The following DMRT1 variants were observed in gnomAD, a reference collection of about 807,000 sequenced individuals.
DMRT1 encodes doublesex and mab-3 related transcription factor 1.
DMRT1 carries 7 observed loss-of-function variants against 32.3 expected under a neutral mutation model. That is an observed-to-expected ratio of 0.22 (90% CI 0.12 to 0.41). The LOEUF (loss-of-function observed/expected upper bound fraction) is 0.41. Among genes scored for constraint, DMRT1 ranks in the 10% least tolerant of loss-of-function variants. The pLI is 1.00. For missense variants in DMRT1, 625 were observed against 500.5 expected (o/e 1.25, Z -2.37); for synonymous variants, 278 against 206.1 (o/e 1.35, Z -2.99).
intron 2 of DMRT1, among the ~76,000 whole-genome samples, chr9:869,045 C>A (rs149440645): frequency 6.6e-6 from 1 of 152,026 alleles, no homozygotes; most frequent in Non-Finnish European, 1.5e-5. Flanking sequence ...AAGTTAGCAT[C>A]CTTTATATTA....
At chr9:927,473 C>T (rs74773962) in intron 4 of DMRT1, among the ~76,000 whole-genome samples, 24 of 152,124 alleles carry the variant, frequency 1.6e-4, no homozygotes, top group Non-Finnish European at 2.5e-4. Flanking sequence ...TATCATTGCC[C>T]GGCGCGGTGG....
chr9:849,866 C>T (rs953748803), intron 2 of DMRT1, among the ~76,000 whole-genome samples: 2 of 152,074 alleles, frequency 1.3e-5, no homozygotes, highest in African/African-American at 4.8e-5. Flanking sequence ...TCTTGTTGCC[C>T]AGGGTGGAGG....
chr9:959,694 A>G (rs1027100046), intron 4 of DMRT1, among the ~76,000 whole-genome samples: 1 of 147,216 alleles, frequency 6.8e-6, no homozygotes, highest in Non-Finnish European at 1.5e-5. Flanking sequence ...TGCCCGGCTA[A>G]TTTTTGTATT....
At chr9:864,486 C>CGCCCG (rs1815872969) in intron 2 of DMRT1, among the ~76,000 whole-genome samples, 1 of 146,136 alleles carries the variant, frequency 6.8e-6, no homozygotes. Context: ...AGCCACCATG[C>CGCCCG]CCAGCCAGTA....
At chr9:899,136 T>C (rs1817479103) in intron 3 of DMRT1, among the ~76,000 whole-genome samples, 1 of 152,138 alleles carries the variant, frequency 6.6e-6, no homozygotes, top group Admixed American at 6.5e-5. Flanking sequence ...TTCTGATTTA[T>C]ATCAGAATCA....
intron 4 of DMRT1, among the ~76,000 whole-genome samples, chr9:949,426 G>A (rs1258027849): frequency 1.3e-5 from 2 of 152,012 alleles, no homozygotes; most frequent in East Asian, 3.9e-4. Flanking sequence ...TGACAATACC[G>A]AAAGCTGTTC....
At chr9:917,991 A>G (rs1472006801) in intron 4 of DMRT1, among the ~76,000 whole-genome samples, 1 of 152,230 alleles carries the variant, frequency 6.6e-6, no homozygotes, top group Non-Finnish European at 1.5e-5. Flanking sequence ...ATAAGTATTC[A>G]TACTATATAA....
chr9:873,222 G>C (rs745940425), intron 2 of DMRT1, among the ~76,000 whole-genome samples: 1 of 152,140 alleles, frequency 6.6e-6, no homozygotes, highest in Non-Finnish European at 1.5e-5. Context: ...CTTCTTTAGA[G>C]AAAATGGTTA....
At chr9:864,245 A>G (rs1815860065) in intron 2 of DMRT1, among the ~76,000 whole-genome samples, 1 of 148,406 alleles carries the variant, frequency 6.7e-6, no homozygotes. Context: ...TTGCTTTGTC[A>G]CCAGGCTGGA....
intron 2 of DMRT1, among the ~76,000 whole-genome samples, chr9:851,321 C>G (rs955686678): frequency 6.6e-6 from 1 of 152,144 alleles, no homozygotes; most frequent in Non-Finnish European, 1.5e-5. Flanking sequence ...TCACTGCAAC[C>G]TCCACCTCCC....
At chr9:923,740 A>G (rs970303719) in intron 4 of DMRT1, among the ~76,000 whole-genome samples, 2 of 152,218 alleles carry the variant, frequency 1.3e-5, no homozygotes, top group African/African-American at 4.8e-5. Context: ...CTCAGCCAGT[A>G]GGATAGAAAA....
At chr9:859,195 G>A (rs1815543313) in intron 2 of DMRT1, among the ~76,000 whole-genome samples, 1 of 152,120 alleles carries the variant, frequency 6.6e-6, no homozygotes, top group Non-Finnish European at 1.5e-5. Flanking sequence ...ACTCCCAAAT[G>A]TTTCCTGTAT....
chr9:863,946 T>C (rs970217911), intron 2 of DMRT1, among the ~76,000 whole-genome samples: 3 of 152,130 alleles, frequency 2.0e-5, no homozygotes, highest in Non-Finnish European at 2.9e-5. Context: ...CTTTTTGATA[T>C]GAGGTGCAAG....
At chr9:886,120 A>G (rs1816917825) in intron 2 of DMRT1, among the ~76,000 whole-genome samples, 1 of 152,338 alleles carries the variant, frequency 6.6e-6, no homozygotes, top group East Asian at 1.9e-4. Flanking sequence ...TGTATTGGCC[A>G]TGCAGTTTTA....
At chr9:953,084 T>C (rs1388124324) in intron 4 of DMRT1, among the ~76,000 whole-genome samples, 1 of 152,236 alleles carries the variant, frequency 6.6e-6, no homozygotes, top group Non-Finnish European at 1.5e-5. Context: ...ATACATGCTT[T>C]GTGTGTCCCT....
intron 2 of DMRT1, among the ~76,000 whole-genome samples, chr9:883,113 C>T (rs1030886998): frequency 6.6e-6 from 1 of 151,804 alleles, no homozygotes; most frequent in African/African-American, 2.4e-5. Context: ...AGATTCCATA[C>T]GCATAGCCTG....
At chr9:883,733 C>G (rs763520168) in intron 2 of DMRT1, among the ~76,000 whole-genome samples, 1 of 151,040 alleles carries the variant, frequency 6.6e-6, no homozygotes, top group African/African-American at 2.4e-5. Context: ...TGGAGGCTGC[C>G]GTGAGCCATG....
intron 2 of DMRT1, 91 bp from the exon 3 acceptor site, chr9:893,821 T>C: frequency 8.3e-7 from 1 of 1,206,964 alleles, no homozygotes; most frequent in Non-Finnish European, 1.2e-6. Flanking sequence ...GCTACCTTGC[T>C]CCGCAGGTCT....
In DMRT1 at chr9:894,044, A is replaced by C; in HGVS notation, c.671A>C (p.Asn224Thr). Residue 224 changes from asparagine (N) to threonine (T), a missense_variant, in exon 3 of 5, where the codon AAT becomes ACT. This residue lies in a region of DMRT1 where 416 missense variants were observed against 321.6 expected (regional missense o/e 1.29). Coordinates refer to ENST00000382276, the MANE Select transcript of DMRT1 (RefSeq NM_021951.3). ...YQPSLFPYYNNLYNCPQYSMA... is the reference protein window; with the variant it reads ...YQPSLFPYYNTLYNCPQYSMA... Reference sequence around the variant, plus strand: ...CCGTCTCTGTTTCCTTATTACAACAATCTATACAACTGCCCGCAGTACTCC... The same window carrying C: ...CCGTCTCTGTTTCCTTATTACAACACTCTATACAACTGCCCGCAGTACTCC... The C allele has an allele frequency of 1.2e-6, 2 of 1,614,232 alleles. No individual in the cohort carries two copies. Among genetic ancestry groups the C allele is most frequent in the Non-Finnish European group, 1.7e-6 (2 of 1,180,048 alleles).
Sources: allele counts gnomAD v4.1 joint callset (sites outside exome capture counted in the v4.1 genomes callset), GRCh38; gene constraint gnomAD v4.1.1; regional missense constraint gnomAD v4.1.1; transcripts MANE v1.5; gene names NCBI Gene and HGNC (gene_info 2026-07-23, HGNC 2026-07-21).